RNF40: variants seen among roughly 807,000 people sequenced by gnomAD.
RNF40 encodes ring finger protein 40, also known as E3 ubiquitin-protein ligase BRE1B.
RNF40 carries 39 observed loss-of-function variants against 123.3 expected under a neutral mutation model. The observed-to-expected ratio is 0.32, with a 90% CI of 0.24 to 0.41. RNF40 has a LOEUF of 0.41. RNF40 is among the 10% of genes least tolerant of loss of function. The probability of loss-of-function intolerance (pLI) is 1.00; values close to 1 mark genes in which losing one functional copy is unlikely to be tolerated. For synonymous variants in RNF40, 538 were observed against 526.0 expected (o/e 1.02, Z -0.31); for missense variants, 1,003 against 1,319.9 (o/e 0.76, Z 3.72).
chr16:30,772,309 C>T (rs1039717086), intron 19 of RNF40, 119 bp downstream of exon 19: 9 of 796,312 alleles, frequency 1.1e-5, no homozygotes, highest in African/African-American at 3.4e-5. Flanking sequence ...AAGTGGGCAG[C>T]ACAGTGGTCA....
rs2054222826 is a variant in RNF40, at chr16:30,775,691, G to T, written c.*1577G>T. ...CCCCTGGGCTCAGCGCGCTGCAGGC[G>T]CCCCGGGCGGATCCTTCACCGAGGC... is the stretch of plus-strand genomic sequence containing the variant. On this transcript the variant is annotated 3_prime_UTR_variant, in exon 20 of 20. Coordinates refer to ENST00000324685, the MANE Select transcript of RNF40 (RefSeq NM_014771.4). The T allele has an allele frequency of 6.6e-6, 1 of 152,570 alleles. No individual in the cohort carries two copies. The highest frequency in any genetic ancestry group is 1.5e-5 in the Non-Finnish European group (1 of 68,302). 9.5% of individuals were successfully genotyped at this position (152,570 alleles called of 1,614,324 possible).
Position 30,766,938 on chromosome 16 carries a change from GGCT to G in RNF40, c.1429+69_1429+71del, listed in dbSNP as rs1219348464. ...CTGGGAGTGCTGGGCCCTGGTGTGGGGCTGCTGCTTATCCAGATGCAAGAGGCT... is the reference window on the plus strand; with the variant it reads ...CTGGGAGTGCTGGGCCCTGGTGTGGGGCTGCTTATCCAGATGCAAGAGGCT... On this transcript the variant is annotated intron_variant, in intron 11 of 19. Coordinates refer to ENST00000324685, the MANE Select transcript of RNF40 (RefSeq NM_014771.4). This position sits in a 1 kb window ranked among gnomAD's most constrained non-coding sequence, Gnocchi z 5.4. The G allele has an allele frequency of 1.3e-6, 2 of 1,579,532 alleles. No individual in the cohort carries two copies. Among genetic ancestry groups the G allele is most frequent in the East Asian group, 4.5e-5 (2 of 44,342 alleles).
chr16:30,764,041 C>T (rs2053973788), intron 4 of RNF40, 138 bp from the exon 5 acceptor site: 1 of 678,454 alleles, frequency 1.5e-6, no homozygotes, highest in South Asian at 2.0e-5. Context: ...GTCTCACTTT[C>T]AGGATGGAGA....
At chr16:30,763,387 T>C (rs779749086) in intron 3 of RNF40, 31 bp from the exon 4 acceptor site, 2 of 1,598,542 alleles carry the variant, frequency 1.3e-6, no homozygotes, top group Non-Finnish European at 8.5e-7. Flanking sequence ...ACTAAGGGAT[T>C]CATAACATTT....
chr16:30,769,129 C>G (rs2054099480), intron 15 of RNF40, 57 bp from the exon 16 acceptor site: 2 of 1,600,064 alleles, frequency 1.2e-6, no homozygotes, highest in Non-Finnish European at 1.7e-6. Context: ...CATGGTTCCC[C>G]CACAGCCATC....
intron 11 of RNF40, among the ~76,000 whole-genome samples, chr16:30,767,284 A>G (rs537719779): frequency 2.6e-4 from 39 of 152,256 alleles, no homozygotes; most frequent in Admixed American, 1.5e-3. Flanking sequence ...AGGAAGACGA[A>G]CTAGTAGAAG....
chr16:30,765,207 A>G lies in RNF40; in HGVS notation c.798A>G (p.Thr266=), dbSNP rs547591294. 12 of 1,614,230 alleles carry G rather than the reference A, an allele frequency of 7.4e-6. No homozygotes were observed. In the East Asian group the frequency reaches 1.6e-4, roughly 21 times the overall value. Residue 266 remains threonine, a synonymous_variant, in exon 7 of 20, where the codon ACA becomes ACG. Transcript: ENST00000324685. The part of the protein sequence containing the change: ...LEYSELQDKV[T]SAETKVLEME... ...ACTCCGAGCTCCAGGATAAAGTGAC[A>G]TCGGCAGAGACCAAGGTGCTGGAGA...
chr16:30,761,816 T>C, upstream of RNF40: 3 of 1,403,048 alleles, frequency 2.1e-6, no homozygotes, highest in Non-Finnish European at 2.8e-6. Context: ...CAGCCAGCGC[T>C]CGGTCGGCGG....
At position 30,765,418 on chromosome 16, in the gene RNF40, T is replaced by G. The variant is rs748665874; in HGVS notation, c.919-7T>G. 111 of 1,614,098 alleles carry G rather than the reference T, an allele frequency of 6.9e-5. No homozygotes were observed. The highest frequency in any genetic ancestry group is 8.8e-5 in the Non-Finnish European group (104 of 1,180,030). On this transcript the variant is annotated splice_region_variant and splice_polypyrimidine_tract_variant and intron_variant, in intron 7 of 19. Transcript: ENST00000324685. ...ACATCCATTGCCTGTCTGTTTTCTC[T>G]CCACAGCTTAACTCTGGCTACTATG...
intron 17 of RNF40, among the ~76,000 whole-genome samples, chr16:30,770,539 C>G (rs1018160481): frequency 1.3e-5 from 2 of 152,314 alleles, no homozygotes; most frequent in Non-Finnish European, 2.9e-5. Context: ...ACCTTCTAAC[C>G]ACTCGCTGGT....
At position 30,766,546 on chromosome 16, in the gene RNF40, C is replaced by T. The variant is rs369667427; in HGVS notation, c.1281C>T (p.Ile427=). Residue 427 remains isoleucine, a synonymous_variant, in exon 10 of 20, where the codon ATC becomes ATT. Transcript: ENST00000324685. The surrounding 1 kb of genome is among the most constrained non-coding windows in gnomAD (Gnocchi z 5.4). The part of the protein sequence containing the change: ...LATKNSHLRH[I]EHMESDELGL... ...CAAAGAACTCCCACCTGCGACACAT[C>T]GAGCACATGGAGGTATGGCCCTGGA... The T allele has an allele frequency of 3.1e-5, 50 of 1,610,094 alleles. No homozygotes were observed. Among genetic ancestry groups the T allele is most frequent in the African/African-American group, 2.9e-4 (22 of 75,016 alleles).
rs775944605 is a variant in RNF40, at chr16:30,776,218, T to C, written c.*2104T>C. ...TAATTCCGCATCGTCTCTCTAGATA[T>C]CTGCGCTAAAGGCCACCCGGTCTCC... On this transcript the variant is annotated 3_prime_UTR_variant, in exon 20 of 20. Coordinates refer to ENST00000324685, the MANE Select transcript of RNF40 (RefSeq NM_014771.4). 1.3e-4 allele frequency: 20 copies of C among 152,056 alleles called. No homozygotes were observed. The highest frequency in any genetic ancestry group is 4.6e-4 in the Admixed American group (7 of 15,266). 9.4% of individuals were successfully genotyped at this position (152,056 alleles called of 1,614,324 possible). A position where few individuals can be genotyped will look rare whatever the true frequency, so the allele number is the denominator to read the frequency against.
intron 8 of RNF40, 147 bp downstream of exon 8, chr16:30,765,646 G>T: frequency 1.4e-6 from 1 of 724,026 alleles, no homozygotes; most frequent in Non-Finnish European, 2.3e-6. Flanking sequence ...TCATATACTT[G>T]TTGAGTAGAT....
chr16:30,762,536 C>A lies in RNF40; in HGVS notation c.-10C>A. 1 of 1,581,486 alleles carries A rather than the reference C, an allele frequency of 6.3e-7. No homozygotes were observed. Among genetic ancestry groups the A allele is most frequent in the Non-Finnish European group, 8.5e-7 (1 of 1,173,104 alleles). ...TCAGGGGACCCTGCATCGCTCCAGC[C>A]GCCGCGGCCATGTCTGGGCCAGGCA... On this transcript the variant is annotated 5_prime_UTR_variant, in exon 2 of 20. Coordinates refer to ENST00000324685, the MANE Select transcript of RNF40 (RefSeq NM_014771.4).
intron 19 of RNF40, 68 bp downstream of exon 19, chr16:30,772,258 T>G: frequency 1.6e-6 from 2 of 1,282,490 alleles, no homozygotes; most frequent in Non-Finnish European, 2.2e-6. Flanking sequence ...CTGAGACTAG[T>G]GGAGAGTCTG....
At chr16:30,767,612 C>T in intron 11 of RNF40, 2 of 302,766 alleles carry the variant, frequency 6.6e-6, no homozygotes, top group Non-Finnish European at 1.2e-5. Flanking sequence ...TGAGACCAGC[C>T]AGGGCAACAA....
rs1233739823 is a variant in RNF40 at position 30,766,188 on chromosome 16, A to G, written c.1019A>G (p.Glu340Gly). 1 of 1,614,144 alleles carries G rather than the reference A, an allele frequency of 6.2e-7. No individual in the cohort carries two copies. The highest frequency in any genetic ancestry group is 2.2e-5 in the East Asian group (1 of 44,884). The change falls in exon 9 of 20, where the codon GAG becomes GGG. Residue 340 changes from glutamate to glycine, a missense_variant. By Grantham distance (98) the Glu-to-Gly change is moderately conservative. Coordinates refer to ENST00000324685, the MANE Select transcript of RNF40 (RefSeq NM_014771.4). The surrounding 1 kb of genome is among the most constrained non-coding windows in gnomAD (Gnocchi z 5.4). ...TTTGAGATGCTGAATGCAGAGTTAGAGGAAAACCAGGAACTGGCCAACAGC... is the reference window on the plus strand; with the variant it reads ...TTTGAGATGCTGAATGCAGAGTTAGGGGAAAACCAGGAACTGGCCAACAGC... ...QKFEMLNAEL[E>G]ENQELANSRM...
rs1460284357 is a variant in RNF40, at chr16:30,766,989, C to T, written c.1429+113C>T. The T allele has an allele frequency of 7.4e-7, 1 of 1,346,614 alleles. No individual in the cohort carries two copies. The highest frequency in any genetic ancestry group is 1.5e-5 in the African/African-American group (1 of 68,374). 83.4% of individuals were successfully genotyped at this position (1,346,614 alleles called of 1,614,324 possible). On this transcript the variant is annotated intron_variant, in intron 11 of 19. Transcript: ENST00000324685. This position sits in a 1 kb window ranked among gnomAD's most constrained non-coding sequence, Gnocchi z 5.4. ...GCTAAGGCCTTTTTTTTCACAGAGC[C>T]TCGGCTTCCTATGCAAAACAGGGCC...
chr16:30,764,663 C>T (rs2053994805), intron 5 of RNF40, among the ~76,000 whole-genome samples: 1 of 152,130 alleles, frequency 6.6e-6, no homozygotes, highest in African/African-American at 2.4e-5. Flanking sequence ...GGTTGCGGAT[C>T]CACAAGGCAT....
Sources: allele counts gnomAD v4.1 joint callset (sites outside exome capture counted in the v4.1 genomes callset), GRCh38; gene constraint gnomAD v4.1.1; non-coding constraint Gnocchi (gnomAD v3.1); transcripts MANE v1.5; gene names NCBI Gene and HGNC (gene_info 2026-07-23, HGNC 2026-07-21).